Variants in SERPINI1 observed in about 807,000 individuals in gnomAD.
The protein encoded by SERPINI1 is serpin family I member 1.
A neutral mutation model predicts 41.1 loss-of-function variants in SERPINI1; 19 were observed. That is an observed-to-expected ratio of 0.46 (90% CI 0.32 to 0.68). The LOEUF (loss-of-function observed/expected upper bound fraction) is 0.68. Among genes scored for constraint, SERPINI1 ranks in the 30% least tolerant of loss-of-function variants. The pLI is 0.03. For missense variants in SERPINI1, 460 were observed against 479.2 expected (o/e 0.96, Z 0.37); for synonymous variants, 138 against 156.6 (o/e 0.88, Z 0.89).
intron 6 of SERPINI1, 145 bp from the exon 7 acceptor site, chr3:167,822,841 C>T (rs1455509635): frequency 8.1e-6 from 5 of 616,982 alleles, no homozygotes; most frequent in Non-Finnish European, 1.5e-5. Context: ...CAATGGTTAT[C>T]TCATTAATGA....
In SERPINI1 at chr3:167,789,326, A is replaced by C; in HGVS notation, c.198A>C (p.Gly66=). ...AMGMMELGAQ[G]STQKEIRHSM... is the part of the protein sequence containing the mutation. ...GAATGATGGAACTTGGGGCCCAAGGATCTACCCAGAAAGAAATCCGCCACT... is the reference window on the plus strand; with the variant it reads ...GAATGATGGAACTTGGGGCCCAAGGCTCTACCCAGAAAGAAATCCGCCACT... Residue 66 remains glycine, a synonymous_variant, in exon 2 of 9, where the codon GGA becomes GGC. Coordinates refer to ENST00000446050, the MANE Select transcript of SERPINI1 (RefSeq NM_001122752.2). 1.9e-6 allele frequency: 3 copies of C among 1,614,182 alleles called. No homozygotes were observed. Among genetic ancestry groups the C allele is most frequent in the Non-Finnish European group, 2.5e-6 (3 of 1,180,008 alleles).
chr3:167,824,824 A>G (rs1348625914), intron 8 of SERPINI1, among the ~76,000 whole-genome samples: 2 of 152,100 alleles, frequency 1.3e-5, no homozygotes, highest in East Asian at 3.9e-4. Context: ...GGATCACTTG[A>G]GGCCAGGAAT....
intron 8 of SERPINI1, 142 bp from the exon 9 acceptor site, chr3:167,825,105 A>G (rs937580805): frequency 1.4e-6 from 1 of 694,826 alleles, no homozygotes; most frequent in Middle Eastern, 3.5e-4. Context: ...GAGAGAGAGG[A>G]AGGAAGGAAG....
chr3:167,820,521 C>T (rs1227990888), intron 6 of SERPINI1, among the ~76,000 whole-genome samples: 1 of 152,220 alleles, frequency 6.6e-6, no homozygotes, highest in African/African-American at 2.4e-5. Context: ...TGGCCCAGTC[C>T]AGGTGCTGTC....
At chr3:167,807,106 A>G in intron 5 of SERPINI1, 138 bp from the exon 6 acceptor site, 2 of 660,350 alleles carry the variant, frequency 3.0e-6, no homozygotes, top group Non-Finnish European at 5.5e-6. Context: ...TCAAATGCTA[A>G]TTGCAGTCAA....
intron 6 of SERPINI1, among the ~76,000 whole-genome samples, chr3:167,816,876 C>T (rs1712109992): frequency 6.6e-6 from 1 of 151,926 alleles, no homozygotes; most frequent in East Asian, 1.9e-4. Flanking sequence ...ACAGAAATGA[C>T]AAAGCGTGCT....
At chr3:167,804,636 C>G (rs1711565676) in intron 5 of SERPINI1, among the ~76,000 whole-genome samples, 1 of 151,788 alleles carries the variant, frequency 6.6e-6, no homozygotes, top group Non-Finnish European at 1.5e-5. Context: ...ATTTCAAGAT[C>G]AGCCTCAGCA....
At chr3:167,812,887 G>A (rs1711941509) in intron 6 of SERPINI1, among the ~76,000 whole-genome samples, 1 of 152,126 alleles carries the variant, frequency 6.6e-6, no homozygotes, top group Non-Finnish European at 1.5e-5. Context: ...TACTTGCAGC[G>A]AGGATCCTGT....
chr3:167,809,046 T>C (rs1711763537), intron 6 of SERPINI1, among the ~76,000 whole-genome samples: 1 of 152,208 alleles, frequency 6.6e-6, no homozygotes, highest in South Asian at 2.1e-4. Context: ...ATGTCTACTA[T>C]ATAAATGTTC....
intron 6 of SERPINI1, among the ~76,000 whole-genome samples, chr3:167,811,076 T>C (rs1288447843): frequency 6.6e-6 from 1 of 152,036 alleles, no homozygotes; most frequent in Admixed American, 6.6e-5. Context: ...AGTTACTTCC[T>C]ACAATGAAAT....
chr3:167,759,408 AT>A lies in SERPINI1; in HGVS notation c.-19+23586del, dbSNP rs1414466306. Among the ~76,000 whole-genome samples the A allele has an allele frequency of 4.0e-5, 6 of 148,358 alleles. No homozygotes were observed. In the South Asian group the frequency reaches 1.3e-3, roughly 31 times the overall value. ...TGGATAAAGAAAATGTGGTATATATATATATATATATATGCGCCATGCAGTA... is the reference window on the plus strand; with the variant it reads ...TGGATAAAGAAAATGTGGTATATATAATATATATATATGCGCCATGCAGTA... On this transcript the variant is annotated intron_variant, in intron 1 of 8. Transcript: ENST00000446050.
intron 1 of SERPINI1, among the ~76,000 whole-genome samples, chr3:167,774,691 A>AG (rs1726904290): frequency 6.6e-6 from 1 of 152,144 alleles, no homozygotes; most frequent in Non-Finnish European, 1.5e-5. Flanking sequence ...TGTGCATGTG[A>AG]GGGATCTAGG....
intron 1 of SERPINI1, among the ~76,000 whole-genome samples, chr3:167,752,606 T>C (rs1299478992): frequency 3.3e-5 from 5 of 152,048 alleles, no homozygotes; most frequent in African/African-American, 1.2e-4. Context: ...CCCAATTTCT[T>C]CTTCAGCTTC....
chr3:167,763,906 G>A (rs1291415812), intron 1 of SERPINI1, among the ~76,000 whole-genome samples: 1 of 152,030 alleles, frequency 6.6e-6, no homozygotes, highest in Non-Finnish European at 1.5e-5. Context: ...ATGTCATTCT[G>A]AATAAATTAT....
intron 1 of SERPINI1, among the ~76,000 whole-genome samples, chr3:167,767,616 G>A (rs1007921831): frequency 1.3e-5 from 2 of 152,134 alleles, no homozygotes; most frequent in African/African-American, 2.4e-5. Context: ...GCATCATTTA[G>A]TGATGCCATT....
In SERPINI1 at chr3:167,824,523, G is replaced by A. The variant is rs767865960; in HGVS notation, c.1117G>A (p.Asp373Asn). The A allele has an allele frequency of 6.8e-6, 11 of 1,613,320 alleles. No homozygotes were observed. The highest frequency in any genetic ancestry group is 6.7e-5 in the Admixed American group (4 of 59,964). Residue 373 changes from aspartate (D) to asparagine (N), a missense_variant, in exon 8 of 9, where the codon GAC (aspartate) becomes AAC (asparagine). Physicochemically the swap from Asp to Asn is conservative, Grantham distance 23. Coordinates refer to ENST00000446050, the MANE Select transcript of SERPINI1 (RefSeq NM_001122752.2). Reference sequence around the variant, plus strand: ...TGTGCTGTATCCTCAAGTTATTGTCGACCATCCATTTTTCTTTCTTATCAG... The same window carrying A: ...TGTGCTGTATCCTCAAGTTATTGTCAACCATCCATTTTTCTTTCTTATCAG... The part of the protein sequence containing the change: ...MAVLYPQVIV[D>N]HPFFFLIRNR...
rs1727464431 is a variant in SERPINI1, at chr3:167,790,427, C to A, written c.306C>A (p.Ser102Arg). 2.5e-6 allele frequency: 4 copies of A among 1,613,914 alleles called. No homozygotes were observed. Among genetic ancestry groups the A allele is most frequent in the Non-Finnish European group, 2.5e-6 (3 of 1,179,858 alleles). ...EFSNMVTAKE[S>R]QYVMKIANSL... is the part of the protein sequence containing the mutation. Reference sequence around the variant, plus strand: ...CAAACATGGTAACTGCTAAAGAGAGCCAATATGTGATGAAAATTGCCAATT... The same window carrying A: ...CAAACATGGTAACTGCTAAAGAGAGACAATATGTGATGAAAATTGCCAATT... Residue 102 changes from serine to arginine, a missense_variant, in exon 3 of 9, where the codon AGC becomes AGA. Coordinates refer to ENST00000446050, the MANE Select transcript of SERPINI1 (RefSeq NM_001122752.2).
At chr3:167,737,095 TA>T (rs1045749521) in intron 1 of SERPINI1, among the ~76,000 whole-genome samples, 14 of 152,126 alleles carry the variant, frequency 9.2e-5, no homozygotes, top group African/African-American at 3.4e-4. Flanking sequence ...CTCGGGATTT[TA>T]AATTTTATTT....
In SERPINI1 at chr3:167,756,933, G is replaced by A. The variant is rs1013499066; in HGVS notation, c.-19+21110G>A. 9.1e-4 allele frequency among the ~76,000 whole-genome samples: 138 copies of A among 152,290 alleles called. 1 individual carries two copies. Among genetic ancestry groups the A allele is most frequent in the African/African-American group, 3.2e-3 (132 of 41,558 alleles). On this transcript the variant is annotated intron_variant, in intron 1 of 8. Transcript: ENST00000446050. ...AGTCTAAGCCACCATGTAAAAAATA[G>A]ACTTAGTGACTCTATGTAAATGAGG...
Sources: allele counts gnomAD v4.1 joint callset (sites outside exome capture counted in the v4.1 genomes callset), GRCh38; gene constraint gnomAD v4.1.1; transcripts MANE v1.5; gene names NCBI Gene and HGNC (gene_info 2026-07-23, HGNC 2026-07-21).